Variants in RERGL observed in about 807,000 individuals in gnomAD.
RERGL encodes the protein ras-related and estrogen-regulated growth inhibitor-like protein.
Under a neutral mutation model 24.7 loss-of-function variants are expected in RERGL, and 22 were observed. The ratio of observed to expected loss-of-function variants is 0.89; its 90% confidence interval spans 0.64 to 1.27. The LOEUF (loss-of-function observed/expected upper bound fraction) is 1.27. RERGL is among the 50% of genes most tolerant of loss of function. RERGL has a pLI of 0.00. For synonymous variants in RERGL, 76 were observed against 82.6 expected (o/e 0.92, Z 0.43); for missense variants, 259 against 235.3 (o/e 1.10, Z -0.66).
At chr12:18,084,470 T>C (rs1947199975) in intron 4 of RERGL, 47 bp downstream of exon 4, 1 of 1,547,250 alleles carries the variant, frequency 6.5e-7, no homozygotes, top group African/African-American at 1.4e-5. Flanking sequence ...TACAGCTATA[T>C]GATGATTTAC....
In RERGL at chr12:18,090,160, G is replaced by A; in HGVS notation, c.-20C>T. The stretch of plus-strand genomic sequence containing the variant: ...ATTCATCTTGCTTTTCTGCTTCTTG[G>A]TCAGTCCTATTTTCTGGAACTACAC... On this transcript the variant is annotated 5_prime_UTR_variant, in exon 1 of 5. Transcript: ENST00000538724. 1 of 1,527,212 alleles carries A rather than the reference G, an allele frequency of 6.5e-7. No individual in the cohort carries two copies. Among genetic ancestry groups the A allele is most frequent in the Non-Finnish European group, 8.7e-7 (1 of 1,143,272 alleles). 94.6% of individuals were successfully genotyped at this position (1,527,212 alleles called of 1,614,324 possible). A position where few individuals can be genotyped will look rare whatever the true frequency, so the allele number is the denominator to read the frequency against.
chr12:18,087,307 A>T (rs990603413), intron 2 of RERGL, among the ~76,000 whole-genome samples: 2 of 151,956 alleles, frequency 1.3e-5, no homozygotes, highest in Non-Finnish European at 1.5e-5. Context: ...TGACTTCTTA[A>T]CTCCTACCAG....
rs563303269 is a variant in RERGL, at chr12:18,090,142, T to C, written c.-2A>G. ...GACAGCAAGCTTCACATCATTCATC[T>C]TGCTTTTCTGCTTCTTGGTCAGTCC... On this transcript the variant is annotated 5_prime_UTR_variant, in exon 1 of 5. Coordinates refer to ENST00000538724, the MANE Select transcript of RERGL (RefSeq NM_001286201.2). 5.5e-5 allele frequency: 84 copies of C among 1,531,872 alleles called. No individual in the cohort carries two copies. In the African/African-American group the frequency reaches 1.1e-3, roughly 19 times the overall value. The allele number at this position is 1,531,872 out of a possible 1,614,324, so 94.9% of individuals were successfully genotyped here.
intron 3 of RERGL, among the ~76,000 whole-genome samples, chr12:18,085,357 T>C (rs111438185): frequency 2.0e-5 from 3 of 152,310 alleles, no homozygotes; most frequent in Admixed American, 6.5e-5. Context: ...GATAGAAATA[T>C]AGAAACAGCC....
rs957008476 is a variant in RERGL at position 18,084,616 on chromosome 12, C to T, written c.233G>A (p.Gly78Glu). 1 of 1,611,828 alleles carries T rather than the reference C, an allele frequency of 6.2e-7. No homozygotes were observed. Among genetic ancestry groups the T allele is most frequent in the Admixed American group, 1.7e-5 (1 of 59,654 alleles). Residue 78 changes from glycine (G) to glutamate (E), a missense_variant, in exon 4 of 5, where the codon GGG becomes GAG. Gly to Glu is a moderately conservative substitution (Grantham distance 98). Transcript: ENST00000538724. ...SLTSELHWAD[G>E]FVIVYDISDR... ...ACTGATGTCATACACAATAACAAAC[C>T]CATCTGCCCAGTGAAGCTCACTTGT...
Position 18,085,624 on chromosome 12 carries a change from G to T in RERGL, c.179C>A (p.Ser60Tyr). ...AAGGTGTTTTGTTTTACTTACTTGA[G>T]AACAAGGGTCATATATTTCTAGATT... ...QLNLEIYDPC[S>Y]QTQKAKFSLT... Residue 60 changes from serine (S) to tyrosine (Y), a missense_variant, in exon 3 of 5, where the codon TCT becomes TAT. By Grantham distance (144) the Ser-to-Tyr change is moderately radical. Transcript: ENST00000538724. 2 of 1,564,382 alleles carry T rather than the reference G, an allele frequency of 1.3e-6. No individual in the cohort carries two copies. Among genetic ancestry groups the T allele is most frequent in the Non-Finnish European group, 1.8e-6 (2 of 1,142,784 alleles).
At position 18,084,576 on chromosome 12, in the gene RERGL, A is replaced by C; in HGVS notation, c.273T>G (p.Phe91Leu). 6.2e-7 allele frequency: 1 copy of C among 1,612,938 alleles called. No individual in the cohort carries two copies. Among genetic ancestry groups the C allele is most frequent in the Non-Finnish European group, 8.5e-7 (1 of 1,179,522 alleles). ...IVYDISDRSSFAFAKALIYRI... is the reference protein window; with the variant it reads ...IVYDISDRSSLAFAKALIYRI... Reference sequence around the variant, plus strand: ...TGTAGATCAGCGCTTTTGCAAAAGCAAATGAAGACCTATCACTGATGTCAT... The same window carrying C: ...TGTAGATCAGCGCTTTTGCAAAAGCCAATGAAGACCTATCACTGATGTCAT... Residue 91 changes from phenylalanine to leucine, a missense_variant, in exon 4 of 5, where the codon TTT (phenylalanine) becomes TTG (leucine). Phe to Leu is a conservative substitution (Grantham distance 22). Transcript: ENST00000538724.
chr12:18,082,404 G>A (rs1370302370), intron 4 of RERGL, among the ~76,000 whole-genome samples: 2 of 152,134 alleles, frequency 1.3e-5, no homozygotes, highest in Non-Finnish European at 2.9e-5. Context: ...ATACCTGGGT[G>A]ATGAAATAAT....
chr12:18,081,323 T>C lies in RERGL; in HGVS notation c.483A>G (p.Glu161=). The change falls in exon 5 of 5, where the codon GAA becomes GAG. Residue 161 remains glutamate, a synonymous_variant. Coordinates refer to ENST00000538724, the MANE Select transcript of RERGL (RefSeq NM_001286201.2). ...CCTTGATAATTCTGATAAACATCAT[T>C]TCCACCTCCAGAGACTGCTCTGCTG... ...LSAAEQSLEV[E]MMFIRIIKDI... 1 of 1,614,158 alleles carries C rather than the reference T, an allele frequency of 6.2e-7. No individual in the cohort carries two copies.
intron 2 of RERGL, among the ~76,000 whole-genome samples, chr12:18,085,919 G>A (rs1394097513): frequency 4.1e-5 from 6 of 146,032 alleles, no homozygotes; most frequent in Non-Finnish European, 8.9e-5. Context: ...GTGCAGTGGC[G>A]CGATCTCGGC....
Position 18,081,258 on chromosome 12 carries a change from G to A in RERGL, c.548C>T (p.Pro183Leu). The change falls in exon 5 of 5, where the codon CCC (proline) becomes CTC (leucine). Residue 183 changes from proline (P) to leucine (L), a missense_variant. By Grantham distance (98) the Pro-to-Leu change is moderately conservative. Coordinates refer to ENST00000538724, the MANE Select transcript of RERGL (RefSeq NM_001286201.2). ...TTTGGCCATTGATTTAGATCCACTGGGACGTCTCTTTTCTTTGAGTTTGAA... is the reference window on the plus strand; with the variant it reads ...TTTGGCCATTGATTTAGATCCACTGAGACGTCTCTTTTCTTTGAGTTTGAA... ...INFKLKEKRRPSGSKSMAKLI... is the reference protein window; with the variant it reads ...INFKLKEKRRLSGSKSMAKLI... 6.2e-7 allele frequency: 1 copy of A among 1,613,166 alleles called. No individual in the cohort carries two copies. The highest frequency in any genetic ancestry group is 8.5e-7 in the Non-Finnish European group (1 of 1,179,720).
chr12:18,086,200 C>G (rs1267432554), intron 2 of RERGL, among the ~76,000 whole-genome samples: 1 of 151,886 alleles, frequency 6.6e-6, no homozygotes, highest in Non-Finnish European at 1.5e-5. Flanking sequence ...TGAATCTCAC[C>G]ACTATCTATA....
At chr12:18,089,974 T>C in intron 1 of RERGL, 115 bp downstream of exon 1, 1 of 687,258 alleles carries the variant, frequency 1.5e-6, no homozygotes, top group South Asian at 3.6e-5. Context: ...AATGTTATTA[T>C]AGATATATTT....
At chr12:18,081,818 T>G (rs1947176079) in intron 4 of RERGL, among the ~76,000 whole-genome samples, 1 of 152,134 alleles carries the variant, frequency 6.6e-6, no homozygotes, top group Non-Finnish European at 1.5e-5. Flanking sequence ...AGGTACATAT[T>G]CATCATGGAA....
At chr12:18,085,853 T>C (rs66716140) in intron 2 of RERGL, among the ~76,000 whole-genome samples, 160 bp from the exon 3 acceptor site, 872 of 81,636 alleles carry the variant, frequency 0.011, 6 homozygotes, top group East Asian at 0.034. Context: ...TGTTTCTTTT[T>C]TTTTTTTTTT....
At chr12:18,089,615 C>A (rs147995819) in intron 1 of RERGL, among the ~76,000 whole-genome samples, 1 of 152,092 alleles carries the variant, frequency 6.6e-6, no homozygotes, top group East Asian at 1.9e-4. Flanking sequence ...CCAAGCCATG[C>A]GCCCCACAAA....
In RERGL at chr12:18,081,301, T is replaced by C; in HGVS notation, c.505A>G (p.Lys169Glu). Residue 169 changes from lysine to glutamate, a missense_variant, in exon 5 of 5, where the codon AAG becomes GAG. Coordinates refer to ENST00000538724, the MANE Select transcript of RERGL (RefSeq NM_001286201.2). The stretch of plus-strand genomic sequence containing the variant: ...AGTTTGAAGTTTATCAGGATGTCCT[T>C]GATAATTCTGATAAACATCATTTCC... Reference protein sequence around the residue: ...EVEMMFIRIIKDILINFKLKE... With the variant: ...EVEMMFIRIIEDILINFKLKE... The C allele has an allele frequency of 6.2e-7, 1 of 1,613,872 alleles. No individual in the cohort carries two copies. The highest frequency in any genetic ancestry group is 1.3e-5 in the African/African-American group (1 of 75,050).
chr12:18,081,506 T>G (rs770676845), intron 4 of RERGL, 33 bp from the exon 5 acceptor site: 174 of 1,462,562 alleles, frequency 1.2e-4, no homozygotes, highest in Non-Finnish European at 1.5e-4. Flanking sequence ...TTAGCAAGAT[T>G]GTTTTAACAA....
chr12:18,085,550 C>A, intron 3 of RERGL, 70 bp downstream of exon 3: 1 of 1,096,112 alleles, frequency 9.1e-7, no homozygotes, highest in South Asian at 1.4e-5. Context: ...CCCATATAAT[C>A]TTCAAATCAT....
Sources: allele counts gnomAD v4.1 joint callset (sites outside exome capture counted in the v4.1 genomes callset), GRCh38; gene constraint gnomAD v4.1.1; transcripts MANE v1.5; gene names NCBI Gene and HGNC (gene_info 2026-07-23, HGNC 2026-07-21).